The following MAP1S variants were observed in gnomAD, a reference collection of about 807,000 sequenced individuals.
MAP1S encodes microtubule associated protein 1S, also known as microtubule-associated protein 1S.
Under a neutral mutation model 60.9 loss-of-function variants are expected in MAP1S, and 27 were observed. The ratio of observed to expected loss-of-function variants is 0.44; its 90% confidence interval spans 0.33 to 0.61. MAP1S has a LOEUF of 0.61. MAP1S is among the 20% of genes least tolerant of loss of function. The probability of loss-of-function intolerance (pLI) is 0.03; values close to 1 mark genes in which losing one functional copy is unlikely to be tolerated. For synonymous variants in MAP1S, 826 were observed against 694.2 expected (o/e 1.19, Z -2.98); for missense variants, 1,608 against 1,486.6 (o/e 1.08, Z -1.34).
At chr19:17,722,948 C>A (rs945253807) in intron 2 of MAP1S, among the ~76,000 whole-genome samples, 3 of 152,230 alleles carry the variant, frequency 2.0e-5, no homozygotes, top group Non-Finnish European at 4.4e-5. Context: ...CAGCCTTGTT[C>A]ACAGTTCAGT....
Position 17,720,927 on chromosome 19 carries a change from T to C in MAP1S, c.119-9T>C. On this transcript the variant is annotated splice_polypyrimidine_tract_variant and intron_variant, in intron 1 of 6. Coordinates refer to ENST00000324096, the MANE Select transcript of MAP1S (RefSeq NM_018174.6). ...CTGAACTCCCGCCTTGATCCCTCCT[T>C]CCCACCAGGCATCCGGTCTTGGGAT... is the stretch of plus-strand genomic sequence containing the variant. 6.2e-7 allele frequency: 1 copy of C among 1,610,130 alleles called. No homozygotes were observed. The highest frequency in any genetic ancestry group is 8.5e-7 in the Non-Finnish European group (1 of 1,176,446).
chr19:17,723,579 G>A (rs1033501854), intron 2 of MAP1S, among the ~76,000 whole-genome samples: 5 of 140,934 alleles, frequency 3.5e-5, no homozygotes, highest in Middle Eastern at 5.5e-3. Context: ...GGCCGGGCGC[G>A]GTGGCTCACG....
At chr19:17,720,860 G>A in intron 1 of MAP1S, 76 bp from the exon 2 acceptor site, 1 of 1,148,866 alleles carries the variant, frequency 8.7e-7, no homozygotes, top group Non-Finnish European at 1.3e-6. Context: ...CCCACCCACG[G>A]GGTGCTAATT....
At chr19:17,730,973 C>T (rs1320253418) in intron 5 of MAP1S, among the ~76,000 whole-genome samples, 10 of 151,420 alleles carry the variant, frequency 6.6e-5, no homozygotes, top group Non-Finnish European at 1.3e-4. Flanking sequence ...TCACTGCAAC[C>T]TCCGCCTCCC....
intron 2 of MAP1S, among the ~76,000 whole-genome samples, chr19:17,723,828 C>T (rs773384032): frequency 2.0e-4 from 31 of 152,182 alleles, no homozygotes; most frequent in Non-Finnish European, 3.1e-4. Flanking sequence ...GCCCTCCAGC[C>T]TGGGCGACAG....
chr19:17,726,795 G>C lies in MAP1S; in HGVS notation c.1411G>C (p.Glu471Gln), dbSNP rs768468800. ...GGACCTGGAGGGGCCGGGGCGAGCC[G>C]AGAGCAAAGAGAGCGTGGGCTCCCG... ...PQDLEGPGRAESKESVGSRDS... is the reference protein window; with the variant it reads ...PQDLEGPGRAQSKESVGSRDS... Residue 471 changes from glutamate to glutamine, a missense_variant, in exon 5 of 7, where the codon GAG (glutamate) becomes CAG (glutamine). Glu to Gln is a conservative substitution (Grantham distance 29, BLOSUM62 2). Coordinates refer to ENST00000324096, the MANE Select transcript of MAP1S (RefSeq NM_018174.6). 2.6e-5 allele frequency: 41 copies of C among 1,556,910 alleles called. No homozygotes were observed. The highest frequency in any genetic ancestry group is 3.5e-5 in the Non-Finnish European group (40 of 1,151,764).
At chr19:17,719,704 C>T (rs1438964282) in intron 1 of MAP1S, 84 bp downstream of exon 1, 73 of 368,188 alleles carry the variant, frequency 2.0e-4, no homozygotes, top group Non-Finnish European at 2.2e-4. Context: ...GGTGGGGCGG[C>T]GGCGGCGGCG....
chr19:17,721,451 C>T (rs2080369885), intron 2 of MAP1S: 3 of 289,566 alleles, frequency 1.0e-5, no homozygotes, highest in South Asian at 5.9e-5. Context: ...CCGCAGCGGG[C>T]GGATCACTTG....
At chr19:17,719,773 C>T (rs1348464546) in intron 1 of MAP1S, 153 bp downstream of exon 1, 2 of 208,186 alleles carry the variant, frequency 9.6e-6, no homozygotes, top group Non-Finnish European at 1.7e-5. Context: ...TCCCCTTCAC[C>T]GTTAGGCGCA....
chr19:17,720,571 C>G, intron 1 of MAP1S: 1 of 1,405,658 alleles, frequency 7.1e-7, no homozygotes, highest in Non-Finnish European at 9.3e-7. Flanking sequence ...GGGGGAAGGG[C>G]CCCCTGGCCA....
At position 17,726,389 on chromosome 19, in the gene MAP1S, G is replaced by A; in HGVS notation, c.1005G>A (p.Gly335=). ...GCAGGCTCATCTCCCCCAACCTGGG[G>A]GTCGTGTTCTTCAACGCCTGCGAGG... ...RLRRLISPNL[G]VVFFNACEAA... The change falls in exon 5 of 7, where the codon GGG becomes GGA. Residue 335 remains glycine, a synonymous_variant. Coordinates refer to ENST00000324096, the MANE Select transcript of MAP1S (RefSeq NM_018174.6). The A allele has an allele frequency of 6.3e-7, 1 of 1,592,486 alleles. No homozygotes were observed. Among genetic ancestry groups the A allele is most frequent in the Non-Finnish European group, 8.5e-7 (1 of 1,176,316 alleles).
In MAP1S at chr19:17,720,697, A is replaced by G. The variant is rs1599451105; in HGVS notation, c.119-239A>G. The G allele has an allele frequency of 6.4e-6, 4 of 629,032 alleles. No homozygotes were observed. In the East Asian group the frequency reaches 1.1e-4, roughly 17 times the overall value. The allele number at this position is 629,032 out of a possible 1,614,324, so 39.0% of individuals were successfully genotyped here. On this transcript the variant is annotated intron_variant, in intron 1 of 6. Coordinates refer to ENST00000324096, the MANE Select transcript of MAP1S (RefSeq NM_018174.6). Reference sequence around the variant, plus strand: ...GCATAGGAGCAGCGAGGAGGTGGAGATGGAGGAGGTGGAGGCTTTGTTGCT... The same window carrying G: ...GCATAGGAGCAGCGAGGAGGTGGAGGTGGAGGAGGTGGAGGCTTTGTTGCT...
intron 5 of MAP1S, 101 bp from the exon 6 acceptor site, chr19:17,733,092 T>C: frequency 2.8e-6 from 2 of 726,476 alleles, no homozygotes; most frequent in Non-Finnish European, 2.2e-6. Context: ...GGCCTCCTGC[T>C]GAGGAGGGAG....
intron 2 of MAP1S, among the ~76,000 whole-genome samples, chr19:17,723,417 G>A (rs1271953127): frequency 2.0e-5 from 3 of 152,144 alleles, no homozygotes; most frequent in East Asian, 1.9e-4. Flanking sequence ...GCGTGGTGGC[G>A]TGTGCCTGTA....
chr19:17,728,680 C>T (rs12972258), intron 5 of MAP1S: 31,316 of 152,370 alleles, frequency 0.21, 4,173 homozygotes, highest in Non-Finnish European at 0.29. Context: ...CTCAGCCTCC[C>T]GAGTAGGTGG....
chr19:17,730,307 T>C (rs1160370118), intron 5 of MAP1S, among the ~76,000 whole-genome samples: 2 of 152,226 alleles, frequency 1.3e-5, no homozygotes, highest in Non-Finnish European at 2.9e-5. Context: ...ATTCCTTTGC[T>C]CATTTTAAAA....
intron 2 of MAP1S, chr19:17,721,404 C>CGCG: frequency 2.9e-6 from 1 of 341,788 alleles, no homozygotes; most frequent in Middle Eastern, 1.1e-3. Flanking sequence ...GAACCGGGCG[C>CGCG]GGTGGCTTAC....
intron 1 of MAP1S, chr19:17,720,248 A>C: frequency 3.6e-6 from 5 of 1,390,594 alleles, no homozygotes; most frequent in Non-Finnish European, 4.7e-6. Flanking sequence ...ATGGGTGTTC[A>C]TCCCCCATCC....
In MAP1S at chr19:17,730,023, G is replaced by A. The variant is rs1359714637; in HGVS notation, c.2788+1851G>A. ...GGGTCTCACTATGTTGCCCTGGCTGGTCTTGAACTCCTGAACTCAAGTGAT... is the reference window on the plus strand; with the variant it reads ...GGGTCTCACTATGTTGCCCTGGCTGATCTTGAACTCCTGAACTCAAGTGAT... On this transcript the variant is annotated intron_variant, in intron 5 of 6. Coordinates refer to ENST00000324096, the MANE Select transcript of MAP1S (RefSeq NM_018174.6). Among the ~76,000 whole-genome samples, 5 of 152,002 alleles carry A rather than the reference G, an allele frequency of 3.3e-5. No homozygotes were observed. The South Asian group carries it at 1.0e-3, about 32-fold the overall frequency.
Sources: gnomAD v4.1 joint callset for allele counts (sites outside exome capture counted in the v4.1 genomes callset) on GRCh38, gnomAD v4.1.1 for gene constraint, MANE v1.5 for transcripts, NCBI Gene and HGNC (gene_info 2026-07-23, HGNC 2026-07-21) for gene names.